SLC14A2: variants seen among roughly 807,000 people sequenced by gnomAD.
SLC14A2 encodes the protein solute carrier family 14 member 2, also known as urea transporter 2.
A neutral mutation model predicts 104.6 loss-of-function variants in SLC14A2; 91 were observed. That is an observed-to-expected ratio of 0.87 (90% confidence interval 0.73 to 1.04). The LOEUF (loss-of-function observed/expected upper bound fraction) is 1.04, where lower values mean the gene tolerates loss of function less well. Ranked by LOEUF, SLC14A2 falls within the 50% of genes least tolerant of loss-of-function variation. SLC14A2 has a pLI of 0.00. For synonymous variants in SLC14A2, 476 were observed against 466.4 expected (o/e 1.02, Z -0.27); for missense variants, 1,189 against 1,156.0 (o/e 1.03, Z -0.41).
intron 2 of SLC14A2, among the ~76,000 whole-genome samples, chr18:45,531,067 T>A (rs2043677380): frequency 6.6e-6 from 1 of 152,218 alleles, no homozygotes; most frequent in Admixed American, 6.5e-5. Context: ...CCATGGTGTA[T>A]ATGTGCCACA....
chr18:45,552,096 AC>A (rs766122598), intron 2 of SLC14A2, among the ~76,000 whole-genome samples: 1 of 152,166 alleles, frequency 6.6e-6, no homozygotes, highest in Non-Finnish European at 1.5e-5. Flanking sequence ...CAGATCCGTG[AC>A]CCATACAGGG....
intron 2 of SLC14A2, among the ~76,000 whole-genome samples, chr18:45,566,078 T>C (rs1308432806): frequency 6.6e-6 from 1 of 152,224 alleles, no homozygotes; most frequent in African/African-American, 2.4e-5. Flanking sequence ...GGTTGGTTTA[T>C]GAGTTGTGAC....
chr18:45,427,343 G>T (rs2086448752), intron 1 of SLC14A2, among the ~76,000 whole-genome samples: 1 of 152,064 alleles, frequency 6.6e-6, no homozygotes, highest in African/African-American at 2.4e-5. Flanking sequence ...TCCCCACCTG[G>T]TTCTTTCCAT....
At chr18:45,274,048 T>A (rs1423216414) in intron 1 of SLC14A2, among the ~76,000 whole-genome samples, 2 of 152,174 alleles carry the variant, frequency 1.3e-5, no homozygotes, top group Non-Finnish European at 2.9e-5. Context: ...CTTCCTCATA[T>A]CTTTGATTCC....
chr18:45,261,804 T>C (rs1288921310), intron 1 of SLC14A2, among the ~76,000 whole-genome samples: 2 of 152,340 alleles, frequency 1.3e-5, no homozygotes, highest in Non-Finnish European at 2.9e-5. Flanking sequence ...ATCCAGTCTA[T>C]CATTGTTGGA....
In SLC14A2 at chr18:45,668,344, G is replaced by T; in HGVS notation, c.1908-5G>T. 6.2e-7 allele frequency: 1 copy of T among 1,613,950 alleles called. No individual in the cohort carries two copies. The highest frequency in any genetic ancestry group is 8.5e-7 in the Non-Finnish European group (1 of 1,179,956). ...TGCTCCACCTGACCCTCCCTCTCCT[G>T]CCAGGTCGGCCATCGCTGCAGGATT... On this transcript the variant is annotated splice_region_variant and splice_polypyrimidine_tract_variant and intron_variant, in intron 14 of 19. Coordinates refer to ENST00000255226, the MANE Select transcript of SLC14A2 (RefSeq NM_007163.4).
At chr18:45,276,560 G>GA (rs1360142812) in intron 1 of SLC14A2, among the ~76,000 whole-genome samples, 1 of 152,194 alleles carries the variant, frequency 6.6e-6, no homozygotes, top group East Asian at 1.9e-4. Context: ...ATATCTGATA[G>GA]AAAAAGCCTG....
chr18:45,220,813 T>G (rs2084054381), intron 1 of SLC14A2, among the ~76,000 whole-genome samples: 1 of 152,242 alleles, frequency 6.6e-6, no homozygotes, highest in Middle Eastern at 3.2e-3. Flanking sequence ...CTTGTGGTTC[T>G]CGAGGCTGGA....
intron 1 of SLC14A2, among the ~76,000 whole-genome samples, chr18:45,346,172 C>T (rs1471561933): frequency 6.6e-6 from 1 of 151,754 alleles, no homozygotes; most frequent in African/African-American, 2.4e-5. Flanking sequence ...TTTTTTTTCC[C>T]CTTGAGTTGG....
intron 1 of SLC14A2, among the ~76,000 whole-genome samples, chr18:45,389,050 AC>A (rs1257359389): frequency 3.3e-5 from 5 of 152,206 alleles, no homozygotes; most frequent in African/African-American, 4.8e-5. Flanking sequence ...GAGAGGCAAA[AC>A]CTTTTGATTT....
At chr18:45,559,392 G>GA (rs1457736160) in intron 2 of SLC14A2, among the ~76,000 whole-genome samples, 1 of 152,082 alleles carries the variant, frequency 6.6e-6, no homozygotes, top group East Asian at 1.9e-4. Context: ...AGTTGGCTAG[G>GA]AAAAAAGGAA....
At chr18:45,383,828 G>C (rs2085865137) in intron 1 of SLC14A2, among the ~76,000 whole-genome samples, 1 of 152,076 alleles carries the variant, frequency 6.6e-6, no homozygotes, top group Non-Finnish European at 1.5e-5. Context: ...GCTTGCCTGG[G>C]CTTCTTTATT....
intron 10 of SLC14A2, among the ~76,000 whole-genome samples, chr18:45,657,586 AAAAG>A (rs751478668): frequency 1.3e-5 from 2 of 152,100 alleles, no homozygotes; most frequent in Admixed American, 1.3e-4. Context: ...AAGAAAAGAA[AAAAG>A]AAAGAAACTG....
chr18:45,295,715 ATTTC>A (rs1425788039), intron 1 of SLC14A2, among the ~76,000 whole-genome samples: 2 of 152,114 alleles, frequency 1.3e-5, no homozygotes, highest in East Asian at 3.9e-4. Flanking sequence ...TTGATAACTG[ATTTC>A]TGCACCACCA....
chr18:45,584,043 G>A (rs183024046), intron 2 of SLC14A2, among the ~76,000 whole-genome samples: 7 of 152,296 alleles, frequency 4.6e-5, no homozygotes, highest in Non-Finnish European at 7.3e-5. Context: ...TTGGTTTCAC[G>A]TAAAGTCTTT....
At chr18:45,338,690 A>C (rs1196648686) in intron 1 of SLC14A2, among the ~76,000 whole-genome samples, 1 of 115,414 alleles carries the variant, frequency 8.7e-6, no homozygotes, top group Non-Finnish European at 2.1e-5. Context: ...CACAAAAAAA[A>C]AAAAAAAAAA....
At chr18:45,336,654 T>C (rs2085340861) in intron 1 of SLC14A2, among the ~76,000 whole-genome samples, 1 of 152,168 alleles carries the variant, frequency 6.6e-6, no homozygotes, top group Admixed American at 6.5e-5. Flanking sequence ...GGAGGATATG[T>C]ATTGGCCTCC....
chr18:45,203,155 G>A, the SLC14A2 span, among the ~76,000 whole-genome samples: 1 of 152,180 alleles, frequency 6.6e-6, no homozygotes, highest in Non-Finnish European at 1.5e-5. Flanking sequence ...CAAATCTCCT[G>A]AAATGACAGA....
chr18:45,537,122 A>T (rs2144847626), intron 2 of SLC14A2, among the ~76,000 whole-genome samples: 1 of 147,404 alleles, frequency 6.8e-6, no homozygotes, highest in South Asian at 2.1e-4. Flanking sequence ...TTTGCCAGGC[A>T]CATTGTCCTA....
Sources: allele counts gnomAD v4.1 joint callset (sites outside exome capture counted in the v4.1 genomes callset), GRCh38; gene constraint gnomAD v4.1.1; transcripts MANE v1.5; gene names NCBI Gene and HGNC (gene_info 2026-07-23, HGNC 2026-07-21).